FAM114A1: variants seen among roughly 807,000 people sequenced by gnomAD.
FAM114A1 encodes the protein protein NOXP20.
Under a neutral mutation model 64.3 loss-of-function variants are expected in FAM114A1, and 62 were observed. The ratio of observed to expected loss-of-function variants is 0.96; its 90% confidence interval spans 0.79 to 1.19. The LOEUF is 1.19. FAM114A1 is among the 50% of genes most tolerant of loss of function. The pLI is 0.00. For synonymous variants in FAM114A1, 254 were observed against 251.1 expected, an observed-to-expected ratio of 1.01 and a Z score of -0.11; for missense variants, 645 against 676.3, an observed-to-expected ratio of 0.95 and a Z score of 0.51.
Position 38,892,193 on chromosome 4 carries a change from G to A in FAM114A1, c.436+363G>A, listed in dbSNP as rs992591990. 6.6e-5 allele frequency among the ~76,000 whole-genome samples: 10 copies of A among 152,058 alleles called. 1 individual carries two copies. Among genetic ancestry groups the A allele is most frequent in the Admixed American group, 2.0e-4 (3 of 15,256 alleles). ...ATATTCTTAAAGCTTCGTGTTTATCGTCCCACTTGAATTTTTTTAGTGCAC... is the reference window on the plus strand; with the variant it reads ...ATATTCTTAAAGCTTCGTGTTTATCATCCCACTTGAATTTTTTTAGTGCAC... On this transcript the variant is annotated intron_variant, in intron 4 of 14. Coordinates refer to ENST00000358869, the MANE Select transcript of FAM114A1 (RefSeq NM_138389.4).
intron 7 of FAM114A1, among the ~76,000 whole-genome samples, chr4:38,913,433 C>G (rs1718748787): frequency 6.6e-6 from 1 of 152,180 alleles, no homozygotes; most frequent in African/African-American, 2.4e-5. Flanking sequence ...AAGTCTCACT[C>G]TGTTGCCCAG....
At chr4:38,889,574 C>T (rs1716126950) in intron 3 of FAM114A1, among the ~76,000 whole-genome samples, 1 of 152,084 alleles carries the variant, frequency 6.6e-6, no homozygotes, top group East Asian at 1.9e-4. Context: ...GTTATTGGTT[C>T]CTATACTTAT....
intron 4 of FAM114A1, among the ~76,000 whole-genome samples, chr4:38,896,415 CA>C (rs1425308179): frequency 6.6e-6 from 1 of 152,198 alleles, no homozygotes; most frequent in Non-Finnish European, 1.5e-5. Flanking sequence ...CAAAATTGGA[CA>C]AGTGTCTTTG....
chr4:38,884,596 A>G (rs1325272367), intron 3 of FAM114A1, among the ~76,000 whole-genome samples: 3 of 152,246 alleles, frequency 2.0e-5, no homozygotes, highest in African/African-American at 7.2e-5. Flanking sequence ...CCACTACCAC[A>G]TTCTATAAGC....
chr4:38,875,295 C>CCTAT (rs1281208726), intron 2 of FAM114A1, among the ~76,000 whole-genome samples: 4 of 152,104 alleles, frequency 2.6e-5, no homozygotes, highest in Admixed American at 2.0e-4. Context: ...AATGATTCTT[C>CCTAT]CTATCCATGA....
chr4:38,874,353 T>C (rs988014324), intron 2 of FAM114A1, among the ~76,000 whole-genome samples: 22 of 152,192 alleles, frequency 1.4e-4, no homozygotes, highest in African/African-American at 5.1e-4. Flanking sequence ...CTCTGAGTTA[T>C]TGGGAAAATC....
chr4:38,908,805 C>A, intron 7 of FAM114A1, 79 bp downstream of exon 7: 1 of 1,314,820 alleles, frequency 7.6e-7, no homozygotes. Context: ...TTGAATAGCT[C>A]ATTTAAAGCA....
At chr4:38,910,227 G>A (rs1160268796) in intron 7 of FAM114A1, among the ~76,000 whole-genome samples, 1 of 151,190 alleles carries the variant, frequency 6.6e-6, no homozygotes, top group Non-Finnish European at 1.5e-5. Flanking sequence ...CAATAAAGCA[G>A]GACTGCATCT....
chr4:38,910,439 C>T (rs1367580762), intron 7 of FAM114A1, among the ~76,000 whole-genome samples: 1 of 152,196 alleles, frequency 6.6e-6, no homozygotes, highest in Non-Finnish European at 1.5e-5. Flanking sequence ...TAGCACACTT[C>T]TGAGCCCACA....
intron 4 of FAM114A1, among the ~76,000 whole-genome samples, chr4:38,893,913 G>A (rs1418767853): frequency 3.9e-5 from 6 of 151,902 alleles, no homozygotes; most frequent in South Asian, 2.1e-4. Context: ...CTGTAATCCC[G>A]GCACTTTGGG....
intron 13 of FAM114A1, among the ~76,000 whole-genome samples, chr4:38,940,091 A>G (rs1406003797): frequency 1.3e-5 from 2 of 152,000 alleles, no homozygotes; most frequent in East Asian, 3.9e-4. Context: ...GGGTTTCGCC[A>G]TGTTGGCCGG....
intron 14 of FAM114A1, 35 bp downstream of exon 14, chr4:38,941,056 C>G (rs769356979): frequency 6.7e-7 from 1 of 1,498,396 alleles, no homozygotes; most frequent in Non-Finnish European, 9.2e-7. Context: ...GCTTCTGAAT[C>G]AAAGTAAATG....
intron 3 of FAM114A1, among the ~76,000 whole-genome samples, chr4:38,890,558 CCTT>C (rs1716256648): frequency 1.3e-5 from 2 of 152,182 alleles, no homozygotes; most frequent in Admixed American, 1.3e-4. Context: ...TTCCTTCCTT[CCTT>C]CTTCTCTTTT....
intron 4 of FAM114A1, among the ~76,000 whole-genome samples, chr4:38,900,345 A>C (rs1203894580): frequency 6.6e-6 from 1 of 152,144 alleles, no homozygotes. Flanking sequence ...ACAGTTCCTC[A>C]AAAAACTAAA....
chr4:38,935,632 C>A, intron 12 of FAM114A1, 86 bp from the exon 13 acceptor site: 1 of 893,382 alleles, frequency 1.1e-6, no homozygotes, highest in Non-Finnish European at 1.7e-6. Context: ...AAATGTCATA[C>A]TGAATTAGTA....
intron 4 of FAM114A1, among the ~76,000 whole-genome samples, chr4:38,900,216 C>T (rs916949414): frequency 7.8e-5 from 10 of 128,362 alleles, no homozygotes; most frequent in African/African-American, 2.4e-4. Flanking sequence ...ATAAGAATGA[C>T]GATTATTTTA....
At chr4:38,889,672 G>T (rs1425256675) in intron 3 of FAM114A1, among the ~76,000 whole-genome samples, 1 of 152,164 alleles carries the variant, frequency 6.6e-6, no homozygotes, top group Non-Finnish European at 1.5e-5. Flanking sequence ...AAACAGTAGA[G>T]CCTGGAGTCA....
At chr4:38,897,847 G>A (rs1717089513) in intron 4 of FAM114A1, among the ~76,000 whole-genome samples, 1 of 151,786 alleles carries the variant, frequency 6.6e-6, no homozygotes, top group Non-Finnish European at 1.5e-5. Flanking sequence ...CTTGGAGGCT[G>A]CGACAGAAGA....
intron 3 of FAM114A1, among the ~76,000 whole-genome samples, chr4:38,886,275 G>A (rs1288767781): frequency 2.6e-5 from 4 of 151,314 alleles, no homozygotes; most frequent in Admixed American, 2.0e-4. Context: ...GGGTTTAAGC[G>A]ATTCTCCTGC....
Sources: gnomAD v4.1 joint callset for allele counts (sites outside exome capture counted in the v4.1 genomes callset) on GRCh38, gnomAD v4.1.1 for gene constraint, MANE v1.5 for transcripts, NCBI Gene and HGNC (gene_info 2026-07-23, HGNC 2026-07-21) for gene names.